The following HECW1 variants were observed in gnomAD, a reference collection of about 807,000 sequenced individuals.
HECW1 encodes the protein E3 ubiquitin-protein ligase HECW1.
A neutral mutation model predicts 182.3 loss-of-function variants in HECW1; 61 were observed. The ratio of observed to expected loss-of-function variants is 0.33; its 90% confidence interval spans 0.27 to 0.41. HECW1 has a LOEUF of 0.41. HECW1 is among the 10% of genes least tolerant of loss of function. HECW1 has a pLI of 1.00. For missense variants in HECW1, 1,739 were observed against 2,108.9 expected, an observed-to-expected ratio of 0.82 and a Z score of 3.44; for synonymous variants, 859 against 832.6, an observed-to-expected ratio of 1.03 and a Z score of -0.55.
At chr7:43,322,574 G>A (rs1479050497) in intron 5 of HECW1, among the ~76,000 whole-genome samples, 1 of 152,168 alleles carries the variant, frequency 6.6e-6, no homozygotes, top group East Asian at 1.9e-4. Flanking sequence ...ATCCTCCCCA[G>A]CAGACACCCT....
At chr7:43,436,733 G>T (rs1393211212) in intron 8 of HECW1, among the ~76,000 whole-genome samples, 3 of 152,242 alleles carry the variant, frequency 2.0e-5, no homozygotes, top group Admixed American at 6.5e-5. Context: ...TGATGGCTTA[G>T]CTTGGGCTCT....
chr7:43,454,693 G>C (rs1057080615), intron 12 of HECW1, among the ~76,000 whole-genome samples: 1 of 152,178 alleles, frequency 6.6e-6, no homozygotes, highest in Admixed American at 6.5e-5. Context: ...GCCACAAACA[G>C]ATATACTATG....
intron 13 of HECW1, among the ~76,000 whole-genome samples, chr7:43,461,260 G>C (rs546056936): frequency 1.9e-4 from 29 of 152,298 alleles, no homozygotes; most frequent in African/African-American, 7.0e-4. Flanking sequence ...CTGTGGGCTG[G>C]GCCTCTCAGC....
intron 2 of HECW1, among the ~76,000 whole-genome samples, chr7:43,182,977 A>T (rs766634082): frequency 3.9e-5 from 6 of 152,092 alleles, no homozygotes; most frequent in Non-Finnish European, 7.4e-5. Context: ...TTACTTTTTC[A>T]GATAGTTCAC....
At chr7:43,531,366 T>C (rs924289590) in intron 24 of HECW1, among the ~76,000 whole-genome samples, 44 of 152,342 alleles carry the variant, frequency 2.9e-4, no homozygotes, top group African/African-American at 1.1e-3. Context: ...ACTGCATTGC[T>C]GTGTCTATCT....
chr7:43,155,983 A>G (rs1007654635), intron 2 of HECW1, among the ~76,000 whole-genome samples: 1 of 152,258 alleles, frequency 6.6e-6, no homozygotes, highest in Non-Finnish European at 1.5e-5. Flanking sequence ...CGTTTAAAAC[A>G]GTAAATCCAG....
chr7:43,153,902 CT>C (rs1299796765), intron 2 of HECW1, among the ~76,000 whole-genome samples: 1 of 151,798 alleles, frequency 6.6e-6, no homozygotes, highest in African/African-American at 2.4e-5. Flanking sequence ...GTATTTTATG[CT>C]TTTTGTTGAT....
chr7:43,322,280 G>C (rs1037217207), intron 5 of HECW1, among the ~76,000 whole-genome samples: 1 of 152,202 alleles, frequency 6.6e-6, no homozygotes, highest in South Asian at 2.1e-4. Context: ...GGCTGGTCTC[G>C]AACTCCTGAC....
At chr7:43,114,002 T>A in intron 1 of HECW1, 155 bp from the exon 2 acceptor site, 1 of 344,076 alleles carries the variant, frequency 2.9e-6, no homozygotes, top group Non-Finnish European at 5.5e-6. Flanking sequence ...ACAGCGCGCC[T>A]CAGTCTGCAT....
At chr7:43,287,916 A>G (rs1804867465) in intron 3 of HECW1, among the ~76,000 whole-genome samples, 2 of 152,210 alleles carry the variant, frequency 1.3e-5, no homozygotes, top group East Asian at 1.9e-4. Context: ...ACCTGAAAGA[A>G]TAGAGTTACC....
intron 8 of HECW1, among the ~76,000 whole-genome samples, chr7:43,420,629 A>G (rs978110110): frequency 1.3e-5 from 2 of 152,250 alleles, no homozygotes; most frequent in Non-Finnish European, 2.9e-5. Context: ...TAACTGAATA[A>G]ATAAAAGGTA....
intron 3 of HECW1, chr7:43,274,634 G>GGGGA (rs1802862698): frequency 5.5e-6 from 2 of 362,332 alleles, no homozygotes; most frequent in South Asian, 2.3e-5. Context: ...GAACGCCCCG[G>GGGGA]GGGAGGGAGG....
intron 24 of HECW1, among the ~76,000 whole-genome samples, chr7:43,538,611 C>A (rs2152952179): frequency 6.6e-6 from 1 of 152,314 alleles, no homozygotes. Context: ...AAGGCCTGGT[C>A]TGGTGTCAGG....
intron 2 of HECW1, among the ~76,000 whole-genome samples, chr7:43,216,805 C>T (rs562959576): frequency 6.6e-6 from 1 of 152,168 alleles, no homozygotes. Context: ...CAGGCACCCA[C>T]CACCATGCTC....
At chr7:43,304,570 A>G (rs1422591508) in intron 3 of HECW1, among the ~76,000 whole-genome samples, 1 of 151,908 alleles carries the variant, frequency 6.6e-6, no homozygotes, top group Non-Finnish European at 1.5e-5. Flanking sequence ...AGCTCACTGC[A>G]GCCTCCACCT....
Position 43,171,488 on chromosome 7 carries a change from G to A in HECW1, c.-32+57097G>A, listed in dbSNP as rs146634094. Among the ~76,000 whole-genome samples the A allele has an allele frequency of 3.9e-3, 595 of 152,264 alleles. 3 individuals carry two copies. Among genetic ancestry groups the A allele is most frequent in the African/African-American group, 0.013 (559 of 41,548 alleles). ...CACTGCGTGCTGGCCAGGCTCCAAGGAAAGACGACCCTCAGGGGCTCCAAG... is the reference window on the plus strand; with the variant it reads ...CACTGCGTGCTGGCCAGGCTCCAAGAAAAGACGACCCTCAGGGGCTCCAAG... On this transcript the variant is annotated intron_variant, in intron 2 of 29. Coordinates refer to ENST00000395891, the MANE Select transcript of HECW1 (RefSeq NM_015052.5).
At chr7:43,190,576 A>G (rs187854850) in intron 2 of HECW1, among the ~76,000 whole-genome samples, 3 of 152,350 alleles carry the variant, frequency 2.0e-5, no homozygotes, top group East Asian at 3.9e-4. Flanking sequence ...TAATGTATTC[A>G]GTTGTCCGGT....
chr7:43,450,015 G>T (rs1450621867), intron 11 of HECW1, among the ~76,000 whole-genome samples: 2 of 152,186 alleles, frequency 1.3e-5, no homozygotes, highest in Non-Finnish European at 2.9e-5. Context: ...ATAATCTGAG[G>T]CATGCATCCT....
At chr7:43,240,492 A>C (rs1798783844) in intron 2 of HECW1, among the ~76,000 whole-genome samples, 1 of 152,176 alleles carries the variant, frequency 6.6e-6, no homozygotes, top group African/African-American at 2.4e-5. Context: ...CAATGAAACA[A>C]TTTGTTTTAG....
Sources: gnomAD v4.1 joint callset for allele counts (sites outside exome capture counted in the v4.1 genomes callset) on GRCh38, gnomAD v4.1.1 for gene constraint, MANE v1.5 for transcripts, NCBI Gene and HGNC (gene_info 2026-07-23, HGNC 2026-07-21) for gene names.